The following ZNF407 variants were observed in gnomAD, a reference collection of about 807,000 sequenced individuals.
ZNF407 encodes the protein zinc finger protein 407.
A neutral mutation model predicts 131.2 loss-of-function variants in ZNF407; 17 were observed. That is an observed-to-expected ratio of 0.13 (90% CI 0.09 to 0.19). The LOEUF is 0.19. Ranked by LOEUF, ZNF407 falls within the 10% of genes least tolerant of loss-of-function variation. The probability of loss-of-function intolerance (pLI) is 1.00; values close to 1 mark genes in which losing one functional copy is unlikely to be tolerated. For synonymous variants in ZNF407, 1,156 were observed against 1,062.0 expected, an observed-to-expected ratio of 1.09 and a Z score of -1.72; for missense variants, 2,681 against 2,830.6, an observed-to-expected ratio of 0.95 and a Z score of 1.20.
chr18:74,938,221 A>ATTAGGGT (rs1972059531), intron 8 of ZNF407, among the ~76,000 whole-genome samples: 1 of 152,082 alleles, frequency 6.6e-6, no homozygotes, highest in African/African-American at 2.4e-5. Context: ...ATGTCTTTCC[A>ATTAGGGT]CATATTAGGG....
At chr18:74,891,113 G>T (rs1261851579) in intron 7 of ZNF407, among the ~76,000 whole-genome samples, 1 of 152,146 alleles carries the variant, frequency 6.6e-6, no homozygotes, top group African/African-American at 2.4e-5. Context: ...GTGTAGAGAG[G>T]CGTAGTGGAA....
intron 4 of ZNF407, among the ~76,000 whole-genome samples, chr18:74,867,622 G>C (rs1227129135): frequency 6.6e-6 from 1 of 152,184 alleles, no homozygotes. Context: ...GAAATGAACT[G>C]AGCAGTACTG....
intron 8 of ZNF407, among the ~76,000 whole-genome samples, chr18:74,968,701 T>C (rs1568286169): frequency 1.3e-5 from 2 of 152,200 alleles, no homozygotes; most frequent in African/African-American, 4.8e-5. Flanking sequence ...TTCTGGTTGA[T>C]TTCAAGATTT....
chr18:75,012,301 T>TAGCAGGCTCTGGG (rs1568300448), intron 8 of ZNF407, among the ~76,000 whole-genome samples: 8 of 112,470 alleles, frequency 7.1e-5, no homozygotes, highest in Middle Eastern at 5.9e-3. Flanking sequence ...ACATAGTGTA[T>TAGCAGGCTCTGGG]GTACACATAG....
At chr18:74,914,745 C>T (rs530101061) in intron 7 of ZNF407, among the ~76,000 whole-genome samples, 1 of 152,074 alleles carries the variant, frequency 6.6e-6, no homozygotes, top group Non-Finnish European at 1.5e-5. Context: ...AGGGGTGTTT[C>T]CTCTGCACCA....
At chr18:75,051,039 A>C (rs1030534001) in intron 8 of ZNF407, among the ~76,000 whole-genome samples, 1 of 152,130 alleles carries the variant, frequency 6.6e-6, no homozygotes, top group Non-Finnish European at 1.5e-5. Context: ...GCCGTGGCAA[A>C]TAATAGAGCC....
At chr18:75,002,181 T>A (rs908778481) in intron 8 of ZNF407, among the ~76,000 whole-genome samples, 1 of 152,254 alleles carries the variant, frequency 6.6e-6, no homozygotes, top group African/African-American at 2.4e-5. Context: ...ATGGATTTGT[T>A]CTTGCTGATA....
intron 8 of ZNF407, among the ~76,000 whole-genome samples, chr18:75,015,572 A>G (rs954483845): frequency 2.1e-5 from 3 of 141,014 alleles, no homozygotes; most frequent in Admixed American, 7.7e-5. Flanking sequence ...CATTATATAT[A>G]TATATTTACA....
In ZNF407 at chr18:74,633,209, A is replaced by G; in HGVS notation, c.2190A>G (p.Gln730=). Residue 730 remains glutamine (Q), a synonymous_variant, in exon 2 of 9, where the codon CAA becomes CAG. Transcript: ENST00000299687. The stretch of plus-strand genomic sequence containing the variant: ...GACATATAAAGCTTCGGCATGGTCA[A>G]GACTATCATTTTCTTTGTAAAGCTT... ...LTRHIKLRHG[Q]DYHFLCKACN... The G allele has an allele frequency of 2.5e-6, 4 of 1,613,922 alleles. No homozygotes were observed. The highest frequency in any genetic ancestry group is 1.3e-5 in the African/African-American group (1 of 75,066).
chr18:74,714,764 T>C (rs990347312), intron 3 of ZNF407, among the ~76,000 whole-genome samples: 1 of 152,246 alleles, frequency 6.6e-6, no homozygotes, highest in Non-Finnish European at 1.5e-5. Context: ...CTTAGTTTTC[T>C]CATAGTATCA....
intron 4 of ZNF407, among the ~76,000 whole-genome samples, chr18:74,865,222 G>A (rs927997647): frequency 6.6e-6 from 1 of 152,170 alleles, no homozygotes; most frequent in Non-Finnish European, 1.5e-5. Flanking sequence ...TGTCATTTGT[G>A]TGTGTGTAAT....
intron 8 of ZNF407, among the ~76,000 whole-genome samples, chr18:74,963,565 A>T (rs985801766): frequency 6.6e-6 from 1 of 152,174 alleles, no homozygotes; most frequent in Non-Finnish European, 1.5e-5. Context: ...AGTTTTCTGC[A>T]TTGTAGTGGA....
At chr18:74,960,975 G>A (rs1972336625) in intron 8 of ZNF407, among the ~76,000 whole-genome samples, 1 of 145,568 alleles carries the variant, frequency 6.9e-6, no homozygotes, top group Non-Finnish European at 1.5e-5. Flanking sequence ...AAAGTCCTGA[G>A]TGAGGACTGG....
At chr18:74,967,425 C>A (rs980956044) in intron 8 of ZNF407, among the ~76,000 whole-genome samples, 1 of 152,168 alleles carries the variant, frequency 6.6e-6, no homozygotes, top group Admixed American at 6.5e-5. Flanking sequence ...TTTAACTGAT[C>A]TATTTTTGTT....
At chr18:74,656,320 A>C (rs1049781133) in intron 3 of ZNF407, among the ~76,000 whole-genome samples, 1 of 152,000 alleles carries the variant, frequency 6.6e-6, no homozygotes, top group African/African-American at 2.4e-5. Flanking sequence ...TGTGCAGTTC[A>C]TTTTTTGGGG....
chr18:75,012,907 T>C (rs1972997331), intron 8 of ZNF407, among the ~76,000 whole-genome samples: 1 of 151,374 alleles, frequency 6.6e-6, no homozygotes, highest in South Asian at 2.1e-4. Context: ...TTTTGTTTTT[T>C]CAAATTAACT....
intron 1 of ZNF407, among the ~76,000 whole-genome samples, chr18:74,598,945 A>G (rs1982447794): frequency 6.6e-6 from 1 of 152,220 alleles, no homozygotes; most frequent in African/African-American, 2.4e-5. Flanking sequence ...GAATACTTTT[A>G]TAAGTAATTA....
chr18:74,910,534 T>A (rs1470213945), intron 7 of ZNF407, among the ~76,000 whole-genome samples: 1 of 152,152 alleles, frequency 6.6e-6, no homozygotes, highest in African/African-American at 2.4e-5. Flanking sequence ...TTTTTTAGTT[T>A]CATAATTCTT....
chr18:75,036,430 A>G (rs1973309275), intron 8 of ZNF407, among the ~76,000 whole-genome samples: 1 of 152,242 alleles, frequency 6.6e-6, no homozygotes, highest in African/African-American at 2.4e-5. Flanking sequence ...TTGTGAAACA[A>G]CATACCTGAA....
Sources: allele counts gnomAD v4.1 joint callset (sites outside exome capture counted in the v4.1 genomes callset), GRCh38; gene constraint gnomAD v4.1.1; transcripts MANE v1.5; gene names NCBI Gene and HGNC (gene_info 2026-07-23, HGNC 2026-07-21).